The following THADA variants were observed in gnomAD, a reference collection of about 807,000 sequenced individuals.
THADA encodes tRNA (32-2'-O)-methyltransferase regulator THADA.
THADA carries 213 observed loss-of-function variants against 219.8 expected under a neutral mutation model. The observed-to-expected ratio is 0.97, with a 90% CI of 0.87 to 1.09. The LOEUF (loss-of-function observed/expected upper bound fraction) is 1.09. THADA is among the 50% of genes least tolerant of loss of function. The probability of loss-of-function intolerance (pLI) is 0.00; values close to 1 mark genes in which losing one functional copy is unlikely to be tolerated. For synonymous variants in THADA, 1,018 were observed against 828.9 expected, an observed-to-expected ratio of 1.23 and a Z score of -3.92; for missense variants, 2,956 against 2,311.3, an observed-to-expected ratio of 1.28 and a Z score of -5.72.
intron 26 of THADA, among the ~76,000 whole-genome samples, chr2:43,444,736 G>A (rs557565166): frequency 1.3e-5 from 2 of 152,194 alleles, no homozygotes; most frequent in Non-Finnish European, 2.9e-5. Flanking sequence ...AAGGTGGGGG[G>A]GGAGGTATCC....
chr2:43,296,173 C>T (rs1675353601), intron 31 of THADA, among the ~76,000 whole-genome samples: 1 of 152,082 alleles, frequency 6.6e-6, no homozygotes, highest in Admixed American at 6.5e-5. Context: ...TCGCCTCAGC[C>T]TCCCAAAGTG....
intron 29 of THADA, among the ~76,000 whole-genome samples, chr2:43,383,991 CA>C (rs1435403478): frequency 1.3e-5 from 2 of 152,130 alleles, no homozygotes; most frequent in Admixed American, 1.3e-4. Flanking sequence ...CCTGGTCTAA[CA>C]TACACACACA....
chr2:43,320,888 T>C (rs891247778), intron 30 of THADA, among the ~76,000 whole-genome samples: 2 of 152,204 alleles, frequency 1.3e-5, no homozygotes, highest in African/African-American at 4.8e-5. Flanking sequence ...ACTCTATTAT[T>C]CTACATTTTT....
At chr2:43,362,740 A>C (rs1162703016) in intron 29 of THADA, among the ~76,000 whole-genome samples, 3 of 152,182 alleles carry the variant, frequency 2.0e-5, no homozygotes, top group Non-Finnish European at 4.4e-5. Context: ...TAACATTTTT[A>C]CCTTATCAAC....
intron 7 of THADA, among the ~76,000 whole-genome samples, chr2:43,582,837 G>C (rs1475588268): frequency 6.6e-6 from 1 of 152,018 alleles, no homozygotes; most frequent in African/African-American, 2.4e-5. Flanking sequence ...CCAAAGTGCT[G>C]AGATTACAGG....
intron 36 of THADA, among the ~76,000 whole-genome samples, chr2:43,271,116 C>T (rs1672068760): frequency 1.3e-5 from 2 of 152,204 alleles, no homozygotes; most frequent in African/African-American, 2.4e-5. Context: ...TGATAAGCAA[C>T]TGACAAGTAT....
chr2:43,443,435 G>T (rs1313408269), intron 26 of THADA, among the ~76,000 whole-genome samples: 1 of 152,144 alleles, frequency 6.6e-6, no homozygotes, highest in Non-Finnish European at 1.5e-5. Context: ...TGTCTCACTG[G>T]TTTACAAACA....
At chr2:43,536,581 A>C (rs367604028) in intron 21 of THADA, among the ~76,000 whole-genome samples, 5 of 152,280 alleles carry the variant, frequency 3.3e-5, no homozygotes, top group African/African-American at 1.2e-4. Context: ...TAGGGAAATT[A>C]ACATGTTTTA....
intron 22 of THADA, among the ~76,000 whole-genome samples, chr2:43,509,039 C>T (rs1406099089): frequency 6.6e-6 from 1 of 152,000 alleles, no homozygotes; most frequent in Non-Finnish European, 1.5e-5. Flanking sequence ...GGGTTTGCAT[C>T]CACACTCAAA....
At chr2:43,356,039 G>A (rs1282962601) in intron 29 of THADA, among the ~76,000 whole-genome samples, 2 of 152,124 alleles carry the variant, frequency 1.3e-5, no homozygotes. Flanking sequence ...AAAGTAAGAT[G>A]TACATACTGA....
rs745874113 is a variant in THADA at position 43,344,111 on chromosome 2, T to C, written c.4343+11A>G. On this transcript the variant is annotated intron_variant, in intron 30 of 37. Transcript: ENST00000405975. Reference sequence around the variant, plus strand: ...CTGATAACTCCTTGCTCATGTGGGATTTTAACATACCTCTTGGCCAGCCAG... The same window carrying C: ...CTGATAACTCCTTGCTCATGTGGGACTTTAACATACCTCTTGGCCAGCCAG... 2 of 1,589,900 alleles carry C rather than the reference T, an allele frequency of 1.3e-6. No homozygotes were observed. The highest frequency in any genetic ancestry group is 8.6e-7 in the Non-Finnish European group (1 of 1,163,452).
intron 36 of THADA, among the ~76,000 whole-genome samples, chr2:43,277,567 G>A (rs1672858304): frequency 6.6e-6 from 1 of 152,226 alleles, no homozygotes; most frequent in Admixed American, 6.5e-5. Context: ...CGGTCTGAGA[G>A]CAGAGCTCTG....
intron 26 of THADA, among the ~76,000 whole-genome samples, chr2:43,442,429 G>T (rs1375346323): frequency 6.6e-6 from 1 of 152,128 alleles, no homozygotes; most frequent in Non-Finnish European, 1.5e-5. Flanking sequence ...GACAGAGGGA[G>T]ACTCGGAGTT....
intron 22 of THADA, among the ~76,000 whole-genome samples, chr2:43,526,073 T>C (rs557921578): frequency 6.6e-6 from 1 of 152,234 alleles, no homozygotes; most frequent in Non-Finnish European, 1.5e-5. Context: ...TCTTCTTAAA[T>C]ATCTATTTTA....
At chr2:43,469,477 C>T (rs995792454) in intron 26 of THADA, among the ~76,000 whole-genome samples, 3 of 151,876 alleles carry the variant, frequency 2.0e-5, no homozygotes, top group Non-Finnish European at 4.4e-5. Flanking sequence ...GAAAAAAACA[C>T]GGAAATTTCC....
chr2:43,534,217 A>G (rs778909879), intron 21 of THADA, among the ~76,000 whole-genome samples: 4 of 152,196 alleles, frequency 2.6e-5, no homozygotes, highest in Non-Finnish European at 5.9e-5. Flanking sequence ...ATAATTATCC[A>G]TATTTATGGG....
At chr2:43,250,111 C>T (rs963536274) in intron 36 of THADA, among the ~76,000 whole-genome samples, 3 of 152,190 alleles carry the variant, frequency 2.0e-5, no homozygotes, top group African/African-American at 4.8e-5. Flanking sequence ...AATGTTCATG[C>T]AGCACTATTC....
intron 22 of THADA, among the ~76,000 whole-genome samples, chr2:43,514,983 T>A (rs1349591133): frequency 1.6e-5 from 1 of 63,424 alleles, no homozygotes; most frequent in African/African-American, 7.2e-5. Context: ...TATATAACAT[T>A]TTATATATAA....
intron 19 of THADA, among the ~76,000 whole-genome samples, 198 bp downstream of exon 19, chr2:43,551,589 ATT>A (rs34513683): frequency 0.026 from 3,490 of 135,096 alleles, 73 homozygotes; most frequent in Middle Eastern, 0.08. Flanking sequence ...TGGTTTGGGA[ATT>A]TTTTTTTTTT....
Sources: gnomAD v4.1 joint callset for allele counts (sites outside exome capture counted in the v4.1 genomes callset) on GRCh38, gnomAD v4.1.1 for gene constraint, MANE v1.5 for transcripts, NCBI Gene and HGNC (gene_info 2026-07-23, HGNC 2026-07-21) for gene names.